The following VSIG1 variants were observed in gnomAD, a reference collection of about 807,000 sequenced individuals.
VSIG1 encodes V-set and immunoglobulin domain containing 1.
VSIG1 carries 11 observed loss-of-function variants against 20.1 expected under a neutral mutation model. The ratio of observed to expected loss-of-function variants is 0.55; its 90% CI spans 0.34 to 0.91. The LOEUF is 0.91. Ranked by LOEUF, VSIG1 falls within the 40% of genes least tolerant of loss-of-function variation. The pLI is 0.02. For synonymous variants in VSIG1, 126 were observed against 116.7 expected, an observed-to-expected ratio of 1.08 and a Z score of -0.52; for missense variants, 283 against 298.8, an observed-to-expected ratio of 0.95 and a Z score of 0.39.
chrX:108,027,747 C>T, the VSIG1 span, among the ~76,000 whole-genome samples: 1 of 111,304 alleles, frequency 9.0e-6, no homozygotes, highest in East Asian at 2.8e-4. Context: ...AGAAATGAGT[C>T]TAGAAGCAGA....
At chrX:108,043,142 T>G (rs1334409173), upstream of VSIG1, among the ~76,000 whole-genome samples, 2 of 110,879 alleles carry the variant, frequency 1.8e-5, no homozygotes, top group Non-Finnish European at 3.8e-5. Flanking sequence ...TGGGGGAAAA[T>G]GTTGATTTGT....
At chrX:108,071,678 C>G (rs2031246535) in intron 3 of VSIG1, among the ~76,000 whole-genome samples, 1 of 110,483 alleles carries the variant, frequency 9.1e-6, no homozygotes, top group Non-Finnish European at 1.9e-5. Flanking sequence ...CCTCTCCCAC[C>G]CCACTTTAGA....
the VSIG1 span, among the ~76,000 whole-genome samples, chrX:108,033,812 A>G: frequency 9.1e-6 from 1 of 110,440 alleles, no homozygotes; most frequent in Admixed American, 9.7e-5. Flanking sequence ...GAGCCAGGGA[A>G]AATTAGAAAG....
At chrX:108,021,026 C>T in the VSIG1 span, among the ~76,000 whole-genome samples, 1 of 112,080 alleles carries the variant, frequency 8.9e-6, no homozygotes, top group East Asian at 2.8e-4. Context: ...TCTTCAGGTA[C>T]TCTCAATGCT....
intron 6 of VSIG1, among the ~76,000 whole-genome samples, chrX:108,076,603 A>G (rs747408346): frequency 6.1e-4 from 68 of 112,384 alleles, no homozygotes; most frequent in South Asian, 1.5e-3. Flanking sequence ...GGCCCAGCCC[A>G]CAGCTCATGC....
In VSIG1 at chrX:108,077,312, G is replaced by A. The variant is rs2031371601; in HGVS notation, c.1095G>A (p.Glu365=). ...QSELEPEPEP[E]PESEPGVVVE... is the part of the protein sequence containing the mutation. ...AATTGGAGCCAGAGCCAGAGCCAGA[G>A]CCAGAGTCAGAGCCTGGGGTTGTAG... The change falls in exon 7 of 7, where the codon GAG becomes GAA. Residue 365 remains glutamate (E), a synonymous_variant. Coordinates refer to ENST00000217957, the MANE Select transcript of VSIG1 (RefSeq NM_182607.5). 1 of 1,212,214 alleles carries A rather than the reference G, an allele frequency of 8.2e-7. No homozygotes were observed. Among genetic ancestry groups the A allele is most frequent in the Non-Finnish European group, 1.1e-6 (1 of 895,662 alleles).
In VSIG1 at chrX:108,073,284, G is replaced by T; in HGVS notation, c.603G>T (p.Leu201=). The T allele has an allele frequency of 8.3e-7, 1 of 1,211,316 alleles. No homozygotes were observed. Among genetic ancestry groups the T allele is most frequent in the Non-Finnish European group, 1.1e-6 (1 of 895,208 alleles). The change falls in exon 5 of 7, where the codon CTG becomes CTT. Residue 201 remains leucine, a synonymous_variant. Transcript: ENST00000217957. ...PTTGILVIGN[L]TNFEQGYYQC... The stretch of plus-strand genomic sequence containing the variant: ...CCGGGATTTTGGTCATTGGAAATCT[G>T]ACAAATTTTGAACAAGGTTATTACC...
chrX:108,032,608 C>T, the VSIG1 span, among the ~76,000 whole-genome samples: 15 of 111,624 alleles, frequency 1.3e-4, no homozygotes, highest in Non-Finnish European at 2.6e-4. Flanking sequence ...GAAGGTGATA[C>T]TTGAACAAAT....
At chrX:108,065,848 A>G (rs1341356931) in intron 2 of VSIG1, among the ~76,000 whole-genome samples, 1 of 112,297 alleles carries the variant, frequency 8.9e-6, no homozygotes. Flanking sequence ...TGGTAAATAC[A>G]TATCATACTT....
At chrX:108,034,510 A>G in the VSIG1 span, among the ~76,000 whole-genome samples, 3 of 111,340 alleles carry the variant, frequency 2.7e-5, no homozygotes, top group Admixed American at 2.9e-4. Context: ...GGCCACATCT[A>G]CCAGGTGTTT....
intron 4 of VSIG1, 124 bp from the exon 5 acceptor site, chrX:108,073,126 T>C: frequency 1.2e-6 from 1 of 861,346 alleles, no homozygotes; most frequent in East Asian, 3.1e-5. Flanking sequence ...CCTAGTTGAA[T>C]CCTGAACATC....
chrX:108,026,329 G>A, the VSIG1 span, among the ~76,000 whole-genome samples: 1 of 111,592 alleles, frequency 9.0e-6, no homozygotes, highest in Non-Finnish European at 1.9e-5. Flanking sequence ...TGAATGTGGC[G>A]AGAGCAGCCT....
chrX:108,076,126 T>C lies in VSIG1; in HGVS notation c.738T>C (p.Gly246=). The part of the protein sequence containing the change: ...IVGALIGSLV[G]AAIIISVVCF... Reference sequence around the variant, plus strand: ...GGGCCTTGATTGGTAGCCTGGTAGGTGCCGCCATCATCATCTCTGTTGTGT... The same window carrying C: ...GGGCCTTGATTGGTAGCCTGGTAGGCGCCGCCATCATCATCTCTGTTGTGT... The change falls in exon 6 of 7, where the codon GGT becomes GGC. Residue 246 remains glycine, a synonymous_variant. Transcript: ENST00000217957. The C allele has an allele frequency of 8.3e-7, 1 of 1,211,670 alleles. No homozygotes were observed. Among genetic ancestry groups the C allele is most frequent in the Non-Finnish European group, 1.1e-6 (1 of 895,362 alleles).
At chrX:108,043,768 T>A (rs1225746753), upstream of VSIG1, among the ~76,000 whole-genome samples, 2 of 111,436 alleles carry the variant, frequency 1.8e-5, no homozygotes, top group Non-Finnish European at 3.8e-5. Context: ...ATGGCTAAAG[T>A]AAGATGGGGT....
chrX:108,073,117 C>T, intron 4 of VSIG1, 133 bp from the exon 5 acceptor site: 1 of 782,715 alleles, frequency 1.3e-6, no homozygotes, highest in Non-Finnish European at 1.9e-6. Context: ...CCTGAGGGGC[C>T]TAGTTGAATC....
intron 2 of VSIG1, among the ~76,000 whole-genome samples, chrX:108,058,787 G>A (rs1199151596): frequency 9.0e-6 from 1 of 111,562 alleles, no homozygotes; most frequent in African/African-American, 3.3e-5. Context: ...GGGGGAAGAG[G>A]TTGCCAGAAA....
chrX:108,054,635 A>G (rs980899941), intron 1 of VSIG1, among the ~76,000 whole-genome samples: 4 of 111,062 alleles, frequency 3.6e-5, no homozygotes, highest in African/African-American at 1.3e-4. Flanking sequence ...TCTGACTACA[A>G]TGCAATGAAA....
At chrX:108,061,110 C>A (rs2031010486) in intron 2 of VSIG1, among the ~76,000 whole-genome samples, 1 of 112,572 alleles carries the variant, frequency 8.9e-6, no homozygotes, top group African/African-American at 3.2e-5. Context: ...CCTGCTCAAC[C>A]AAGAGGTTGC....
chrX:108,071,691 T>C (rs1455464605), intron 3 of VSIG1, among the ~76,000 whole-genome samples: 2 of 110,537 alleles, frequency 1.8e-5, no homozygotes, highest in Non-Finnish European at 3.8e-5. Flanking sequence ...ACTTTAGAAC[T>C]GTGTGAAAGT....
Sources: allele counts gnomAD v4.1 joint callset (sites outside exome capture counted in the v4.1 genomes callset), GRCh38; gene constraint gnomAD v4.1.1; transcripts MANE v1.5; gene names NCBI Gene and HGNC (gene_info 2026-07-23, HGNC 2026-07-21).